Variants in PLXND1 observed in about 807,000 individuals in gnomAD.
PLXND1 encodes plexin D1, also known as plexin-D1.
A neutral mutation model predicts 197.7 loss-of-function variants in PLXND1; 54 were observed. That is an observed-to-expected ratio of 0.27 (90% CI 0.22 to 0.34). The LOEUF (loss-of-function observed/expected upper bound fraction) is 0.34. Among genes scored for constraint, PLXND1 ranks in the 10% least tolerant of loss-of-function variants. PLXND1 has a pLI of 1.00. For missense variants in PLXND1, 2,127 were observed against 2,699.2 expected (o/e 0.79, Z 4.70); for synonymous variants, 1,180 against 1,161.2 (o/e 1.02, Z -0.33).
Position 129,570,893 on chromosome 3 carries a change from C to T in PLXND1, c.3643G>A (p.Val1215Ile). 2 of 1,614,218 alleles carry T rather than the reference C, an allele frequency of 1.2e-6. No homozygotes were observed. The highest frequency in any genetic ancestry group is 1.7e-6 in the Non-Finnish European group (2 of 1,180,026). ...SLGLQSHEYR[V>I]KIGQVSCDIQ... ...TCGCAGCTTACTTGGCCTATCTTGA[C>T]CCGGTACTCGTGACTCTGGAGCCCC... is the stretch of plus-strand genomic sequence containing the variant. The change falls in exon 19 of 36, where the codon GTC becomes ATC. Residue 1215 changes from valine to isoleucine, a missense_variant. Val to Ile is a conservative substitution (Grantham distance 29). Transcript: ENST00000324093.
chr3:129,566,548 G>A lies in PLXND1; in HGVS notation c.4170C>T (p.His1390=), dbSNP rs560570733. 21 of 1,611,356 alleles carry A rather than the reference G, an allele frequency of 1.3e-5. No individual in the cohort carries two copies. In the East Asian group the frequency reaches 4.7e-4, roughly 36 times the overall value. ...SQGSSQAQET[H]PLLGEWKIPE... ...TCACCTTCCACTCTCCCAGCAGTGGGTGGGTTTCCTGTGCCTGGGAGCTGC... is the reference window on the plus strand; with the variant it reads ...TCACCTTCCACTCTCCCAGCAGTGGATGGGTTTCCTGTGCCTGGGAGCTGC... The change falls in exon 23 of 36, where the codon CAC becomes CAT. Residue 1390 remains histidine, a synonymous_variant. Transcript: ENST00000324093.
At chr3:129,572,541 A>C in intron 15 of PLXND1, 68 bp downstream of exon 15, 1 of 1,360,100 alleles carries the variant, frequency 7.4e-7, no homozygotes, top group Non-Finnish European at 9.7e-7. Context: ...TGTCACCTCC[A>C]GCCCGCCAGC....
Position 129,566,070 on chromosome 3 carries a change from A to G in PLXND1, c.4192-53T>C, listed in dbSNP as rs1479485948. Reference sequence around the variant, plus strand: ...CCAGAGGGGCCCAGTGTCCCTGCCTAGCCTAACAGCCAGTGCTTACGACGG... The same window carrying G: ...CCAGAGGGGCCCAGTGTCCCTGCCTGGCCTAACAGCCAGTGCTTACGACGG... On this transcript the variant is annotated intron_variant, in intron 23 of 35. Coordinates refer to ENST00000324093, the MANE Select transcript of PLXND1 (RefSeq NM_015103.3). 3.1e-6 allele frequency: 5 copies of G among 1,602,400 alleles called. No homozygotes were observed. The Admixed American group carries it at 6.7e-5, about 21-fold the overall frequency.
intron 1 of PLXND1, among the ~76,000 whole-genome samples, chr3:129,599,729 C>T (rs552874329): frequency 5.9e-5 from 9 of 152,208 alleles, no homozygotes; most frequent in African/African-American, 1.9e-4. Flanking sequence ...TGCCCCAGCC[C>T]GCCTGAGTCA....
chr3:129,556,946 A>G (rs539397854), intron 34 of PLXND1, 137 bp downstream of exon 34: 2 of 961,132 alleles, frequency 2.1e-6, no homozygotes, highest in Admixed American at 2.4e-5. Flanking sequence ...TTTGCAGGCC[A>G]GCAAGAGGCC....
chr3:129,580,215 G>A (rs2085366763), intron 8 of PLXND1, among the ~76,000 whole-genome samples: 1 of 148,986 alleles, frequency 6.7e-6, no homozygotes, highest in South Asian at 2.1e-4. Flanking sequence ...CTAGGGACAG[G>A]GTCTGGTGCA....
Position 129,606,306 on chromosome 3 carries a change from C to T in PLXND1, c.334G>A (p.Ala112Thr), listed in dbSNP as rs1171972581. 1 of 1,519,288 alleles carries T rather than the reference C, an allele frequency of 6.6e-7. No individual in the cohort carries two copies. Among genetic ancestry groups the T allele is most frequent in the Non-Finnish European group, 8.8e-7 (1 of 1,139,272 alleles). The allele number at this position is 1,519,288 out of a possible 1,614,324, so 94.1% of individuals were successfully genotyped here. The change falls in exon 1 of 36, where the codon GCC becomes ACC. Residue 112 changes from alanine to threonine, a missense_variant. Around this residue, in one of 6 missense-constraint regions of PLXND1, gnomAD observed 245 missense variants for 267.1 expected, o/e 0.92. Coordinates refer to ENST00000324093, the MANE Select transcript of PLXND1 (RefSeq NM_015103.3). Reference sequence around the variant, plus strand: ...AGGCGCCGCGGGTGCTCGCACGAGGCCTGCGGCAGCTGCGGAGCGTGACAC... The same window carrying T: ...AGGCGCCGCGGGTGCTCGCACGAGGTCTGCGGCAGCTGCGGAGCGTGACAC... ...PLCHAPQLPQ[A>T]SCEHPRRLTD...
chr3:129,571,066 C>T lies in PLXND1; in HGVS notation c.3574G>A (p.Gly1192Arg), dbSNP rs748452504. The T allele has an allele frequency of 5.6e-6, 9 of 1,614,132 alleles. 1 individual carries two copies. Among genetic ancestry groups the T allele is most frequent in the South Asian group, 4.4e-5 (4 of 91,088 alleles). Residue 1192 changes from glycine to arginine, a missense_variant, in exon 18 of 36, where the codon GGG becomes AGG. Around this residue, in one of 6 missense-constraint regions of PLXND1, gnomAD observed 532 missense variants for 811.0 expected, o/e 0.66. Coordinates refer to ENST00000324093, the MANE Select transcript of PLXND1 (RefSeq NM_015103.3). ...TGGATAACGAGGGTGAGAGGCTCCC[C>T]GGGGTGGTGCTTGATCCACTTCTCC... ...KREKWIKHHPGEPLTLVIHKE... is the reference protein window; with the variant it reads ...KREKWIKHHPREPLTLVIHKE...
At chr3:129,597,421 C>CAGGCA (rs1330280167) in intron 1 of PLXND1, among the ~76,000 whole-genome samples, 3 of 152,192 alleles carry the variant, frequency 2.0e-5, no homozygotes, top group Admixed American at 2.0e-4. Context: ...GAGAAGGGCA[C>CAGGCA]AGGCAAGGGG....
chr3:129,563,009 A>T, intron 26 of PLXND1, 66 bp from the exon 27 acceptor site: 10 of 1,609,146 alleles, frequency 6.2e-6, no homozygotes, highest in Middle Eastern at 1.7e-4. Flanking sequence ...GTGCCCAGGC[A>T]GCAAGGCCCT....
At position 129,606,387 on chromosome 3, in the gene PLXND1, C is replaced by T; in HGVS notation, c.253G>A (p.Ala85Thr). 3.3e-6 allele frequency: 5 copies of T among 1,510,116 alleles called. No homozygotes were observed. The South Asian group carries it at 3.8e-5, about 11-fold the overall frequency. 93.5% of individuals were successfully genotyped at this position (1,510,116 alleles called of 1,614,324 possible). A position where few individuals can be genotyped will look rare whatever the true frequency, so the allele number is the denominator to read the frequency against. ...AVNRLYQLSGANLSLEAEAAV... is the reference protein window; with the variant it reads ...AVNRLYQLSGTNLSLEAEAAV... The stretch of plus-strand genomic sequence containing the variant: ...GCCTCGGCCTCCAGGCTCAGGTTGG[C>T]GCCCGACAGCTGATAGAGGCGGTTG... The change falls in exon 1 of 36, where the codon GCC becomes ACC. Residue 85 changes from alanine to threonine, a missense_variant. Physicochemically the swap from Ala to Thr is moderately conservative, Grantham distance 58. Coordinates refer to ENST00000324093, the MANE Select transcript of PLXND1 (RefSeq NM_015103.3).
At chr3:129,572,327 C>A (rs1400301858) in intron 15 of PLXND1, among the ~76,000 whole-genome samples, 1 of 152,252 alleles carries the variant, frequency 6.6e-6, no homozygotes, top group Admixed American at 6.5e-5. Context: ...CCTGGGCCAG[C>A]CAGAAGATCT....
At chr3:129,592,734 T>A (rs2085563812) in intron 1 of PLXND1, among the ~76,000 whole-genome samples, 1 of 152,272 alleles carries the variant, frequency 6.6e-6, no homozygotes, top group South Asian at 2.1e-4. Context: ...TTAAAAAATT[T>A]TTTTAAAGAA....
rs1410068834 is a variant in PLXND1 at position 129,583,673 on chromosome 3, G to C, written c.2139-4C>G. 6.2e-7 allele frequency: 1 copy of C among 1,604,868 alleles called. No individual in the cohort carries two copies. The highest frequency in any genetic ancestry group is 8.5e-7 in the Non-Finnish European group (1 of 1,173,320). ...TGCCGACAGGCAGCTGGTACAGCTG[G>C]AAGACAAGGAGGCCCCTCAACTCCT... is the stretch of plus-strand genomic sequence containing the variant. On this transcript the variant is annotated splice_polypyrimidine_tract_variant and splice_region_variant and intron_variant, in intron 7 of 35. Transcript: ENST00000324093.
chr3:129,567,372 C>T (rs891237889), intron 22 of PLXND1, 120 bp downstream of exon 22: 11 of 656,702 alleles, frequency 1.7e-5, no homozygotes, highest in East Asian at 2.7e-5. Context: ...AGGACGGCTG[C>T]GGACAGCTGT....
In PLXND1 at chr3:129,564,269, G is replaced by A. The variant is rs111905466; in HGVS notation, c.4522-1029C>T. ...AGGCTCAGGGGCAGAGGCCCCATTT[G>A]ACAGAAGGAAACCAAGGCCCACAGA... is the stretch of plus-strand genomic sequence containing the variant. On this transcript the variant is annotated intron_variant, in intron 25 of 35. Transcript: ENST00000324093. Among the ~76,000 whole-genome samples the A allele has an allele frequency of 2.9e-3, 443 of 152,366 alleles. 5 individuals are homozygous for A. Among genetic ancestry groups the A allele is most frequent in the African/African-American group, 0.01 (418 of 41,586 alleles).
rs770513748 is a variant in PLXND1 at position 129,575,532 on chromosome 3, G to T, written c.2467C>A (p.Pro823Thr). 5 of 1,557,434 alleles carry T rather than the reference G, an allele frequency of 3.2e-6. No individual in the cohort carries two copies. Among genetic ancestry groups the T allele is most frequent in the Non-Finnish European group, 4.3e-6 (5 of 1,150,018 alleles). Reference sequence around the variant, plus strand: ...CGCCCCTTTAGTTGGAGGCTGAGCGGGAACACCTGGCTCTTCCGGGTCGTG... The same window carrying T: ...CGCCCCTTTAGTTGGAGGCTGAGCGTGAACACCTGGCTCTTCCGGGTCGTG... ...LHTTRKSQVFPLSLQLKGRPA... is the reference protein window; with the variant it reads ...LHTTRKSQVFTLSLQLKGRPA... Residue 823 changes from proline (P) to threonine (T), a missense_variant, in exon 11 of 36, where the codon CCG (proline) becomes ACG (threonine). This residue lies in a region of PLXND1 where 1,095 missense variants were observed against 1,259.8 expected (regional missense o/e 0.87). Transcript: ENST00000324093.
Position 129,561,648 on chromosome 3 carries a change from C to G in PLXND1, c.4991G>C (p.Arg1664Pro), listed in dbSNP as rs777229757. ...CTTCCCACGTGCACCCGCACTACCT[C>G]GGCCCAGTGTGTTGTCCTTCTTGTC... Reference protein sequence around the residue: ...LIDKKDNTLGRVKDLDTEKYF... With the variant: ...LIDKKDNTLGPVKDLDTEKYF... Residue 1664 changes from arginine to proline, a missense_variant and splice_region_variant, in exon 29 of 36, where the codon CGA (arginine) becomes CCA (proline). Transcript: ENST00000324093. 6.2e-7 allele frequency: 1 copy of G among 1,604,580 alleles called. No homozygotes were observed. Among genetic ancestry groups the G allele is most frequent in the Non-Finnish European group, 8.5e-7 (1 of 1,174,992 alleles).
Position 129,603,343 on chromosome 3 carries a change from C to T in PLXND1, c.1311+1986G>A, listed in dbSNP as rs570877878. Among the ~76,000 whole-genome samples, 4 of 152,262 alleles carry T rather than the reference C, an allele frequency of 2.6e-5. No homozygotes were observed. The East Asian group carries it at 7.7e-4, about 29-fold the overall frequency. ...GAGTCACTGCACCGAGGGAGCGGAC[C>T]GTGGGAACCAGAATGGTTCTTGCCA... On this transcript the variant is annotated intron_variant, in intron 1 of 35. Transcript: ENST00000324093.
Sources: gnomAD v4.1 joint callset for allele counts (sites outside exome capture counted in the v4.1 genomes callset) on GRCh38, gnomAD v4.1.1 for gene constraint, gnomAD v4.1.1 regional missense constraint, MANE v1.5 for transcripts, NCBI Gene and HGNC (gene_info 2026-07-23, HGNC 2026-07-21) for gene names.